Variants in RTTN observed in about 807,000 individuals in gnomAD.
RTTN encodes the protein rotatin.
RTTN carries 182 observed loss-of-function variants against 269.2 expected under a neutral mutation model. The observed-to-expected ratio is 0.68, with a 90% CI of 0.60 to 0.76. RTTN has a LOEUF of 0.76. Among genes scored for constraint, RTTN ranks in the 30% least tolerant of loss-of-function variants. RTTN has a pLI of 0.00. For synonymous variants in RTTN, 1,006 were observed against 963.5 expected (o/e 1.04, Z -0.82); for missense variants, 2,545 against 2,608.6 (o/e 0.98, Z 0.53).
intron 11 of RTTN, 126 bp from the exon 12 acceptor site, chr18:70,169,193 TGAAACTTTTTCCAAA>T (rs1482888337): frequency 4.7e-6 from 3 of 643,498 alleles, no homozygotes; most frequent in African/African-American, 3.8e-5. Context: ...GTCAAAAAAC[TGAAACTTTTTCCAAA>T]GAAAATCCCA....
intron 23 of RTTN, among the ~76,000 whole-genome samples, chr18:70,133,635 CTATTTA>C (rs1456614403): frequency 2.0e-5 from 3 of 151,960 alleles, no homozygotes; most frequent in East Asian, 1.9e-4. Context: ...ATAATGCACT[CTATTTA>C]TAAAGTTCAA....
intron 23 of RTTN, chr18:70,129,487 T>A (rs1599691428): frequency 6.6e-6 from 1 of 151,398 alleles, no homozygotes; most frequent in South Asian, 2.1e-4. Flanking sequence ...ACACATTTGG[T>A]CAATTTTCAA....
intron 17 of RTTN, among the ~76,000 whole-genome samples, chr18:70,146,130 A>T (rs1247997021): frequency 1.3e-5 from 2 of 152,180 alleles, no homozygotes; most frequent in African/African-American, 4.8e-5. Flanking sequence ...CCACCATAAA[A>T]AGTATCACAG....
chr18:70,150,576 T>C, intron 15 of RTTN, 32 bp downstream of exon 15: 2 of 1,600,422 alleles, frequency 1.2e-6, no homozygotes, highest in East Asian at 2.2e-5. Context: ...TCTAAGTTAC[T>C]GTAATATTTT....
chr18:70,165,374 G>A (rs1009805436), intron 14 of RTTN, among the ~76,000 whole-genome samples: 5 of 151,632 alleles, frequency 3.3e-5, no homozygotes, highest in Non-Finnish European at 7.4e-5. Flanking sequence ...CACCAGCTGT[G>A]TAAGAGTGGC....
At chr18:70,082,299 AT>A (rs1189745263) in intron 32 of RTTN, among the ~76,000 whole-genome samples, 2 of 152,230 alleles carry the variant, frequency 1.3e-5, no homozygotes, top group Admixed American at 1.3e-4. Context: ...TAACATGATT[AT>A]AACAATGTTT....
chr18:70,022,378 C>A (rs1212848090), intron 44 of RTTN, among the ~76,000 whole-genome samples: 2 of 152,038 alleles, frequency 1.3e-5, no homozygotes, highest in African/African-American at 4.8e-5. Flanking sequence ...TGTGCTCTAG[C>A]TCTCACCTCT....
At chr18:70,129,878 T>C (rs1029544572) in intron 23 of RTTN, 2 of 151,964 alleles carry the variant, frequency 1.3e-5, no homozygotes, top group African/African-American at 2.4e-5. Context: ...ACTATTCAAC[T>C]GGCAAGAGAT....
At chr18:70,123,773 T>C (rs749706296) in intron 25 of RTTN, among the ~76,000 whole-genome samples, 12 of 152,124 alleles carry the variant, frequency 7.9e-5, no homozygotes, top group Non-Finnish European at 1.5e-4. Flanking sequence ...CTTTTGATTA[T>C]ACTTTTAGCT....
chr18:70,073,084 T>G (rs1040420311), intron 34 of RTTN, among the ~76,000 whole-genome samples: 2 of 152,140 alleles, frequency 1.3e-5, no homozygotes, highest in African/African-American at 4.8e-5. Context: ...CTCATATTAT[T>G]TTTGTTCCTG....
intron 10 of RTTN, among the ~76,000 whole-genome samples, chr18:70,182,803 T>C (rs1599952737): frequency 6.6e-6 from 1 of 152,154 alleles, no homozygotes; most frequent in African/African-American, 2.4e-5. Context: ...ATATTACTTA[T>C]CAAAACACTT....
intron 11 of RTTN, 78 bp downstream of exon 11, chr18:70,176,597 A>T (rs1320465625): frequency 1.1e-5 from 15 of 1,332,730 alleles, no homozygotes; most frequent in Admixed American, 2.4e-5. Flanking sequence ...CACCATGAAA[A>T]GAGCAGAAGA....
chr18:70,173,491 C>CAAAAAAAA (rs397974179), intron 11 of RTTN, among the ~76,000 whole-genome samples: 40 of 48,364 alleles, frequency 8.3e-4, no homozygotes, highest in African/African-American at 1.1e-3. Flanking sequence ...GACTCCAACT[C>CAAAAAAAA]AAAAAAAAAA....
At chr18:70,105,955 TA>T (rs1362989189) in intron 28 of RTTN, among the ~76,000 whole-genome samples, 1 of 152,150 alleles carries the variant, frequency 6.6e-6, no homozygotes, top group African/African-American at 2.4e-5. Flanking sequence ...AACCACTATG[TA>T]AAAACCATGG....
At chr18:70,013,813 T>C (rs970878423) in intron 46 of RTTN, among the ~76,000 whole-genome samples, 3 of 152,296 alleles carry the variant, frequency 2.0e-5, no homozygotes, top group East Asian at 1.9e-4. Context: ...TTAAAGTTTT[T>C]ACCCATCATT....
chr18:70,051,267 T>G, intron 39 of RTTN, 144 bp downstream of exon 39: 1 of 958,002 alleles, frequency 1.0e-6, no homozygotes, highest in Non-Finnish European at 1.4e-6. Flanking sequence ...CACTGCAAAT[T>G]TTTCAAAGCA....
chr18:70,050,914 T>G (rs1383337164), intron 39 of RTTN, among the ~76,000 whole-genome samples: 3 of 151,948 alleles, frequency 2.0e-5, no homozygotes, highest in Non-Finnish European at 4.4e-5. Context: ...ACACACCGTG[T>G]CGGGGGATGA....
At chr18:70,140,581 G>A (rs2060231257) in intron 19 of RTTN, among the ~76,000 whole-genome samples, 1 of 151,938 alleles carries the variant, frequency 6.6e-6, no homozygotes, top group South Asian at 2.1e-4. Context: ...TTCTCCACAA[G>A]CTCATGTGTA....
At chr18:70,166,273 T>C in intron 13 of RTTN, 85 bp from the exon 14 acceptor site, 1 of 1,346,122 alleles carries the variant, frequency 7.4e-7, no homozygotes. Context: ...AAGGGATTTC[T>C]TCCTACTCCA....
Sources: allele counts gnomAD v4.1 joint callset (sites outside exome capture counted in the v4.1 genomes callset), GRCh38; gene constraint gnomAD v4.1.1; transcripts MANE v1.5; gene names NCBI Gene and HGNC (gene_info 2026-07-23, HGNC 2026-07-21).